TANGO6: variants seen among roughly 807,000 people sequenced by gnomAD.
The protein encoded by TANGO6 is transport and Golgi organization protein 6 homolog.
In TANGO6, 90 loss-of-function variants were observed where a neutral mutation model predicts 114.2. The ratio of observed to expected loss-of-function variants is 0.79; its 90% CI spans 0.66 to 0.94. TANGO6 has a LOEUF of 0.94. Among genes scored for constraint, TANGO6 ranks in the 40% least tolerant of loss-of-function variants. The probability of loss-of-function intolerance (pLI) is 0.00; values close to 1 mark genes in which losing one functional copy is unlikely to be tolerated. For synonymous variants in TANGO6, 477 were observed against 509.8 expected, an observed-to-expected ratio of 0.94 and a Z score of 0.87; for missense variants, 1,274 against 1,315.3, an observed-to-expected ratio of 0.97 and a Z score of 0.49.
intron 13 of TANGO6, 69 bp from the exon 14 acceptor site, chr16:68,930,169 G>C: frequency 7.3e-7 from 1 of 1,374,090 alleles, no homozygotes; most frequent in East Asian, 2.5e-5. Flanking sequence ...TTGAGCTGCT[G>C]ATAAGGGAGC....
chr16:68,881,620 C>T (rs1962463562), intron 7 of TANGO6, among the ~76,000 whole-genome samples: 1 of 152,280 alleles, frequency 6.6e-6, no homozygotes, highest in Non-Finnish European at 1.5e-5. Context: ...ATAGTAATTA[C>T]TGTCATAACA....
At chr16:68,996,583 G>A (rs1355747405) in intron 15 of TANGO6, among the ~76,000 whole-genome samples, 1 of 152,122 alleles carries the variant, frequency 6.6e-6, no homozygotes, top group Non-Finnish European at 1.5e-5. Context: ...AGATGTTTCT[G>A]CTGAGGGCAT....
At chr16:68,845,406 A>G (rs1221141881) in intron 1 of TANGO6, among the ~76,000 whole-genome samples, 1 of 152,198 alleles carries the variant, frequency 6.6e-6, no homozygotes. Context: ...TGGAGTACAC[A>G]TATATGTACT....
chr16:68,991,633 A>G (rs551926285), intron 15 of TANGO6, among the ~76,000 whole-genome samples: 2 of 151,882 alleles, frequency 1.3e-5, no homozygotes, highest in African/African-American at 2.4e-5. Flanking sequence ...ACAGAGTGAG[A>G]TTTCATCGAT....
chr16:69,081,039 A>G (rs1960457256), intron 17 of TANGO6, among the ~76,000 whole-genome samples: 3 of 152,054 alleles, frequency 2.0e-5, no homozygotes, highest in African/African-American at 7.2e-5. Flanking sequence ...TCGGGAGGCT[A>G]AGGCAGGAGA....
At chr16:69,031,678 T>G (rs1959595780) in intron 16 of TANGO6, among the ~76,000 whole-genome samples, 1 of 151,304 alleles carries the variant, frequency 6.6e-6, no homozygotes, top group African/African-American at 2.4e-5. Flanking sequence ...TTTTTTTTGA[T>G]ACAGAGTTTT....
chr16:68,881,305 G>A (rs988459984), intron 7 of TANGO6, among the ~76,000 whole-genome samples: 2 of 152,118 alleles, frequency 1.3e-5, no homozygotes, highest in Admixed American at 6.6e-5. Context: ...CCTGAGGCCC[G>A]GAGTTCAAGA....
intron 14 of TANGO6, among the ~76,000 whole-genome samples, chr16:68,964,291 A>C (rs1221190236): frequency 6.6e-6 from 1 of 152,024 alleles, no homozygotes; most frequent in Non-Finnish European, 1.5e-5. Context: ...CCAATTAAAA[A>C]ATTAAAAGTA....
chr16:68,905,013 A>C (rs1023144856), intron 9 of TANGO6, among the ~76,000 whole-genome samples: 1 of 152,098 alleles, frequency 6.6e-6, no homozygotes, highest in African/African-American at 2.4e-5. Flanking sequence ...ACCTGAGGTC[A>C]AGAGTTTGAG....
intron 3 of TANGO6, among the ~76,000 whole-genome samples, chr16:68,866,484 G>A (rs1466744474): frequency 2.0e-5 from 3 of 150,602 alleles, no homozygotes; most frequent in African/African-American, 7.3e-5. Context: ...TTAGCCGGGC[G>A]CGGTGGCGGG....
intron 17 of TANGO6, 29 bp from the exon 18 acceptor site, chr16:69,083,456 A>G (rs1960495037): frequency 6.3e-7 from 1 of 1,592,382 alleles, no homozygotes; most frequent in Non-Finnish European, 8.6e-7. Flanking sequence ...CACAGTAGAC[A>G]GGCGGTCATG....
chr16:68,970,750 A>C (rs1963694902), intron 14 of TANGO6, among the ~76,000 whole-genome samples: 2 of 152,176 alleles, frequency 1.3e-5, no homozygotes, highest in Admixed American at 6.5e-5. Context: ...GAAATAGATC[A>C]AAGTTTTATA....
chr16:68,973,630 T>C (rs1812323649), intron 14 of TANGO6, among the ~76,000 whole-genome samples: 1 of 152,204 alleles, frequency 6.6e-6, no homozygotes, highest in African/African-American at 2.4e-5. Context: ...AACTCAGCCA[T>C]GAGCTTAGAT....
At chr16:68,886,274 G>A (rs1170992928) in intron 7 of TANGO6, among the ~76,000 whole-genome samples, 2 of 151,820 alleles carry the variant, frequency 1.3e-5, no homozygotes, top group Admixed American at 6.6e-5. Flanking sequence ...GAGTGCAGTG[G>A]CACAATCTCA....
intron 14 of TANGO6, among the ~76,000 whole-genome samples, chr16:68,959,691 A>G (rs924741560): frequency 1.3e-5 from 2 of 152,262 alleles, no homozygotes; most frequent in African/African-American, 4.8e-5. Flanking sequence ...GACACAGGGC[A>G]CATCTCCTAG....
At chr16:68,875,767 C>CT (rs1211454440) in intron 5 of TANGO6, among the ~76,000 whole-genome samples, 1 of 141,958 alleles carries the variant, frequency 7.0e-6, no homozygotes, top group Non-Finnish European at 1.5e-5. Flanking sequence ...GAAACTCCGT[C>CT]TCAAAAAAAA....
chr16:68,862,859 G>C, intron 2 of TANGO6, 86 bp from the exon 3 acceptor site: 1 of 873,596 alleles, frequency 1.1e-6, no homozygotes, highest in Non-Finnish European at 1.9e-6. Flanking sequence ...CCTCTCACAA[G>C]TATCTCTGTA....
chr16:68,900,590 C>T, intron 8 of TANGO6, 44 bp downstream of exon 8: 3 of 1,414,054 alleles, frequency 2.1e-6, no homozygotes, highest in African/African-American at 1.4e-5. Flanking sequence ...ATTGTGACGT[C>T]TTTTTTGCAT....
chr16:68,910,480 A>T (rs1230396746), intron 11 of TANGO6, among the ~76,000 whole-genome samples: 3 of 152,162 alleles, frequency 2.0e-5, no homozygotes, highest in Non-Finnish European at 4.4e-5. Flanking sequence ...AAAAATTGAT[A>T]TGACTTGAGC....
Sources: allele counts gnomAD v4.1 joint callset (sites outside exome capture counted in the v4.1 genomes callset), GRCh38; gene constraint gnomAD v4.1.1; transcripts MANE v1.5; gene names NCBI Gene and HGNC (gene_info 2026-07-23, HGNC 2026-07-21).